The following MYBPC1 variants were observed in gnomAD, a reference collection of about 807,000 sequenced individuals.
MYBPC1 encodes the protein myosin binding protein C1.
MYBPC1 carries 52 observed loss-of-function variants against 147.1 expected under a neutral mutation model. The observed-to-expected ratio is 0.35, with a 90% CI of 0.28 to 0.45. MYBPC1 has a LOEUF of 0.45. MYBPC1 is among the 20% of genes least tolerant of loss of function. The pLI is 1.00. For missense variants in MYBPC1, 1,228 were observed against 1,440.3 expected, an observed-to-expected ratio of 0.85 and a Z score of 2.39; for synonymous variants, 477 against 475.9, an observed-to-expected ratio of 1.00 and a Z score of -0.03.
chr12:101,645,063 T>C (rs553135091), intron 12 of MYBPC1, among the ~76,000 whole-genome samples: 1 of 152,328 alleles, frequency 6.6e-6, no homozygotes, highest in Admixed American at 6.5e-5. Flanking sequence ...TATATGTGAT[T>C]ATTTCAGAGT....
At chr12:101,663,324 T>C (rs755238916) in intron 21 of MYBPC1, 102 bp from the exon 22 acceptor site, 1 of 1,037,892 alleles carries the variant, frequency 9.6e-7, no homozygotes, top group Non-Finnish European at 1.5e-6. Flanking sequence ...TGTAGGGCTT[T>C]TGTGTCTATT....
chr12:101,611,263 T>C (rs1884193428), intron 1 of MYBPC1, among the ~76,000 whole-genome samples: 2 of 152,264 alleles, frequency 1.3e-5, no homozygotes, highest in Non-Finnish European at 2.9e-5. Context: ...ACCAATATTT[T>C]GTGGATTCAG....
chr12:101,601,521 A>G (rs1021495654), intron 1 of MYBPC1, among the ~76,000 whole-genome samples: 1 of 152,172 alleles, frequency 6.6e-6, no homozygotes, highest in Non-Finnish European at 1.5e-5. Flanking sequence ...TCAATCTCAC[A>G]CTTATTTCTC....
chr12:101,680,399 G>T lies in MYBPC1; in HGVS notation c.3303G>T (p.Arg1101Ser). The T allele has an allele frequency of 6.2e-7, 1 of 1,614,084 alleles. No individual in the cohort carries two copies. The highest frequency in any genetic ancestry group is 2.2e-5 in the East Asian group (1 of 44,880). The change falls in exon 29 of 32, where the codon AGG becomes AGT. Residue 1101 changes from arginine to serine, a missense_variant. By Grantham distance (110) the Arg-to-Ser change is moderately radical. This residue lies in a region of MYBPC1 where 1,077 missense variants were observed against 1,314.2 expected (regional missense o/e 0.82). Transcript: ENST00000361466. ...CTATTGTGGATGATCCAAGATACAG[G>T]ATGTTCAGCAACCAGGGAGTCTGTA... Reference protein sequence around the residue: ...KVAIVDDPRYRMFSNQGVCTL... With the variant: ...KVAIVDDPRYSMFSNQGVCTL...
At chr12:101,673,138 G>A (rs1899090126) in intron 24 of MYBPC1, among the ~76,000 whole-genome samples, 1 of 152,162 alleles carries the variant, frequency 6.6e-6, no homozygotes. Context: ...TTACCTAACT[G>A]CAGGACCTTG....
intron 3 of MYBPC1, among the ~76,000 whole-genome samples, chr12:101,622,718 G>A (rs1030311239): frequency 6.6e-6 from 1 of 151,994 alleles, no homozygotes; most frequent in Non-Finnish European, 1.5e-5. Context: ...CTGGGCGACA[G>A]AGTGAGACTC....
intron 1 of MYBPC1, 75 bp from the exon 2 acceptor site, chr12:101,614,421 T>G (rs1885311875): frequency 6.4e-7 from 1 of 1,558,436 alleles, no homozygotes; most frequent in Admixed American, 1.7e-5. Context: ...CAGCAGAAGC[T>G]GCCTGGGGCT....
downstream of MYBPC1, among the ~76,000 whole-genome samples, chr12:101,687,526 G>A (rs541199208): frequency 1.1e-4 from 17 of 152,252 alleles, no homozygotes; most frequent in South Asian, 4.1e-4. Context: ...ATAAACATAC[G>A]TGGTAAACTC....
chr12:101,654,738 C>T (rs1421602947), intron 18 of MYBPC1, among the ~76,000 whole-genome samples: 6 of 152,188 alleles, frequency 3.9e-5, no homozygotes, highest in Non-Finnish European at 7.3e-5. Flanking sequence ...GGCACTCACA[C>T]AAGGCCAATA....
At chr12:101,656,584 A>T (rs1285918392) in intron 18 of MYBPC1, among the ~76,000 whole-genome samples, 5 of 152,208 alleles carry the variant, frequency 3.3e-5, no homozygotes, top group African/African-American at 1.2e-4. Context: ...CAAAGCGAAG[A>T]AATTTATCTG....
At chr12:101,624,189 AC>A (rs1888039131) in intron 3 of MYBPC1, among the ~76,000 whole-genome samples, 1 of 152,046 alleles carries the variant, frequency 6.6e-6, no homozygotes, top group Non-Finnish European at 1.5e-5. Context: ...ATCCCACATG[AC>A]CCAGTAAATC....
intron 18 of MYBPC1, among the ~76,000 whole-genome samples, chr12:101,657,825 A>G (rs1324189850): frequency 1.3e-5 from 2 of 152,238 alleles, no homozygotes; most frequent in Non-Finnish European, 2.9e-5. Flanking sequence ...CTATGAGGTC[A>G]GTTTTATCCT....
intron 3 of MYBPC1, among the ~76,000 whole-genome samples, chr12:101,622,598 G>A (rs1371775272): frequency 3.9e-5 from 6 of 152,194 alleles, no homozygotes; most frequent in Admixed American, 3.9e-4. Context: ...AGCCAGGCAT[G>A]GTGACAAACA....
intron 1 of MYBPC1, among the ~76,000 whole-genome samples, chr12:101,599,942 CCTT>C (rs1409573682): frequency 1.3e-5 from 2 of 152,260 alleles, no homozygotes; most frequent in East Asian, 1.9e-4. Context: ...TTGGCAGAAT[CCTT>C]CTTTTTCAGT....
At chr12:101,641,937 G>A (rs529236064) in intron 10 of MYBPC1, among the ~76,000 whole-genome samples, 7 of 151,848 alleles carry the variant, frequency 4.6e-5, no homozygotes, top group Admixed American at 3.9e-4. Flanking sequence ...TAATGTATTT[G>A]TACTGTCTCC....
chr12:101,658,628 A>C (rs1896011217), intron 18 of MYBPC1, among the ~76,000 whole-genome samples: 1 of 152,216 alleles, frequency 6.6e-6, no homozygotes, highest in Non-Finnish European at 1.5e-5. Context: ...GTTGTGTAGA[A>C]AATCTAAAAG....
chr12:101,604,682 T>G (rs1464827732), intron 1 of MYBPC1, among the ~76,000 whole-genome samples: 2 of 152,176 alleles, frequency 1.3e-5, no homozygotes, highest in Non-Finnish European at 2.9e-5. Flanking sequence ...GGGCCCAAAT[T>G]ATTTGCTCTT....
Position 101,669,125 on chromosome 12 carries a change from C to G in MYBPC1, c.2525-1196C>G, listed in dbSNP as rs956027467. Among the ~76,000 whole-genome samples, 5 of 152,240 alleles carry G rather than the reference C, an allele frequency of 3.3e-5. No homozygotes were observed. The East Asian group carries it at 5.8e-4, about 18-fold the overall frequency. On this transcript the variant is annotated intron_variant, in intron 23 of 31. Coordinates refer to ENST00000361466, the MANE Select transcript of MYBPC1 (RefSeq NM_002465.4). Reference sequence around the variant, plus strand: ...CAAGAATAAGAATAATAACTTTCATCAAATCTTGGCTCTTGAGTATGTTTT... The same window carrying G: ...CAAGAATAAGAATAATAACTTTCATGAAATCTTGGCTCTTGAGTATGTTTT...
intron 29 of MYBPC1, among the ~76,000 whole-genome samples, chr12:101,682,106 T>C (rs112440809): frequency 1.3e-5 from 2 of 152,142 alleles, no homozygotes; most frequent in African/African-American, 4.8e-5. Context: ...AATGATTAAG[T>C]TCATAATTGC....
Sources: allele counts gnomAD v4.1 joint callset (sites outside exome capture counted in the v4.1 genomes callset), GRCh38; gene constraint gnomAD v4.1.1; regional missense constraint gnomAD v4.1.1; transcripts MANE v1.5; gene names NCBI Gene and HGNC (gene_info 2026-07-23, HGNC 2026-07-21).